The following AGAP1 variants were observed in gnomAD, a reference collection of about 807,000 sequenced individuals.
The protein encoded by AGAP1 is ArfGAP with GTPase domain, ankyrin repeat and PH domain 1, also known as arf-GAP with GTPase, ANK repeat and PH domain-containing protein 1.
Under a neutral mutation model 105.3 loss-of-function variants are expected in AGAP1, and 29 were observed. The observed-to-expected ratio is 0.28, with a 90% CI of 0.21 to 0.38. The LOEUF (loss-of-function observed/expected upper bound fraction) is 0.38. Among genes scored for constraint, AGAP1 ranks in the 10% least tolerant of loss-of-function variants. The probability of loss-of-function intolerance (pLI) is 1.00; values close to 1 mark genes in which losing one functional copy is unlikely to be tolerated. For synonymous variants in AGAP1, 509 were observed against 485.9 expected (o/e 1.05, Z -0.63); for missense variants, 998 against 1,165.1 (o/e 0.86, Z 2.09).
chr2:235,935,453 A>C (rs556573620), intron 12 of AGAP1, among the ~76,000 whole-genome samples: 45 of 152,274 alleles, frequency 3.0e-4, no homozygotes, highest in African/African-American at 1.0e-3. Flanking sequence ...GACAGAAGTA[A>C]TTTTTGCAGC....
At position 236,027,925 on chromosome 2, in the gene AGAP1, A is replaced by C. The variant is rs140437701; in HGVS notation, c.1646-8636A>C. ...GATGGCACAGCTTCCTGCCCACCAC[A>C]CTATCACAGAGCTGTTGGTCCCGGG... On this transcript the variant is annotated intron_variant, in intron 13 of 17. Transcript: ENST00000304032. This position sits in a 1 kb window ranked among gnomAD's most constrained non-coding sequence, Gnocchi z 4.4. Among the ~76,000 whole-genome samples the C allele has an allele frequency of 1.3e-5, 2 of 151,992 alleles. No individual in the cohort carries two copies. The highest frequency in any genetic ancestry group is 4.8e-5 in the African/African-American group (2 of 41,466).
At position 235,620,209 on chromosome 2, in the gene AGAP1, A is replaced by T. The variant is rs900130777; in HGVS notation, c.164-88970A>T. ...ATGCTGGGCTGTGCCTTCAAAGTAT[A>T]TCCAGGATGCAGTGGCTTCCTGAGC... On this transcript the variant is annotated intron_variant, in intron 1 of 17. Transcript: ENST00000304032. The surrounding 1 kb of genome is among the most constrained non-coding windows in gnomAD (Gnocchi z 4.5). 1.3e-5 allele frequency among the ~76,000 whole-genome samples: 2 copies of T among 152,186 alleles called. No individual in the cohort carries two copies. Among genetic ancestry groups the T allele is most frequent in the South Asian group, 4.1e-4 (2 of 4,828 alleles).
chr2:235,765,779 T>C (rs554944389), intron 6 of AGAP1, among the ~76,000 whole-genome samples: 1 of 152,212 alleles, frequency 6.6e-6, no homozygotes, highest in African/African-American at 2.4e-5. Context: ...ACGTTGTGAG[T>C]AAACCGTAAG....
In AGAP1 at chr2:235,970,371, G is replaced by A. The variant is rs753811478; in HGVS notation, c.1645+1748G>A. 1.3e-5 allele frequency among the ~76,000 whole-genome samples: 2 copies of A among 152,140 alleles called. No individual in the cohort carries two copies. The highest frequency in any genetic ancestry group is 4.8e-5 in the African/African-American group (2 of 41,424). On this transcript the variant is annotated intron_variant, in intron 13 of 17. Transcript: ENST00000304032. The surrounding 1 kb of genome is among the most constrained non-coding windows in gnomAD (Gnocchi z 5.4). ...GTATCAGCCGCAGGCGCTCTGTGTTGGTAAGACTCCTTCAGACAACCGTTG... is the reference window on the plus strand; with the variant it reads ...GTATCAGCCGCAGGCGCTCTGTGTTAGTAAGACTCCTTCAGACAACCGTTG...
In AGAP1 at chr2:235,963,717, C is replaced by A. The variant is rs1293782708; in HGVS notation, c.1484-4745C>A. ...ATCTTGACTCCACCCTGTTCACCAT[C>A]TTTTTCATTGATGTGGATGGATATA... On this transcript the variant is annotated intron_variant, in intron 12 of 17. Coordinates refer to ENST00000304032, the MANE Select transcript of AGAP1 (RefSeq NM_001037131.3). This position sits in a 1 kb window ranked among gnomAD's most constrained non-coding sequence, Gnocchi z 5.1. 6.6e-6 allele frequency among the ~76,000 whole-genome samples: 1 copy of A among 152,120 alleles called. No homozygotes were observed. Among genetic ancestry groups the A allele is most frequent in the Non-Finnish European group, 1.5e-5 (1 of 68,012 alleles).
intron 1 of AGAP1, among the ~76,000 whole-genome samples, chr2:235,643,398 T>C (rs920117732): frequency 3.5e-5 from 4 of 115,788 alleles, no homozygotes; most frequent in African/African-American, 1.4e-4. Context: ...GCCATTGCAC[T>C]CCAGCCTGGG....
chr2:235,801,422 G>C lies in AGAP1; in HGVS notation c.957+1900G>C, dbSNP rs1163793788. 6.6e-6 allele frequency among the ~76,000 whole-genome samples: 1 copy of C among 152,008 alleles called. No individual in the cohort carries two copies. Among genetic ancestry groups the C allele is most frequent in the South Asian group, 2.1e-4 (1 of 4,790 alleles). On this transcript the variant is annotated intron_variant, in intron 8 of 17. Transcript: ENST00000304032. The surrounding 1 kb of genome is among the most constrained non-coding windows in gnomAD (Gnocchi z 6.0). Reference sequence around the variant, plus strand: ...AGCATATGTGATAGATTAGGAGGTGGGTATTTAGGTTTCTGTAAAATACAG... The same window carrying C: ...AGCATATGTGATAGATTAGGAGGTGCGTATTTAGGTTTCTGTAAAATACAG...
rs2149983214 is a variant in AGAP1, at chr2:235,787,253, TTCTTCATCA to T, written c.674-10505_674-10497del. Among the ~76,000 whole-genome samples the T allele has an allele frequency of 6.6e-6, 1 of 152,344 alleles. No homozygotes were observed. Among genetic ancestry groups the T allele is most frequent in the Non-Finnish European group, 1.5e-5 (1 of 68,032 alleles). On this transcript the variant is annotated intron_variant, in intron 6 of 17. Coordinates refer to ENST00000304032, the MANE Select transcript of AGAP1 (RefSeq NM_001037131.3). This position sits in a 1 kb window ranked among gnomAD's most constrained non-coding sequence, Gnocchi z 4.4. ...TGGGTTTCCTATGTCATGAAAGCTTTTCTTCATCACGTGCTAATGACTTCCTGTTCCACA... is the reference window on the plus strand; with the variant it reads ...TGGGTTTCCTATGTCATGAAAGCTTTCGTGCTAATGACTTCCTGTTCCACA...
At chr2:235,496,298 A>G (rs1173854401) in intron 1 of AGAP1, among the ~76,000 whole-genome samples, 2 of 152,166 alleles carry the variant, frequency 1.3e-5, no homozygotes, top group Non-Finnish European at 2.9e-5. Flanking sequence ...TCTGTCTCCC[A>G]TGAGGTCACC....
chr2:235,641,080 C>T (rs1231763465), intron 1 of AGAP1, among the ~76,000 whole-genome samples: 1 of 152,136 alleles, frequency 6.6e-6, no homozygotes, highest in African/African-American at 2.4e-5. Flanking sequence ...GGGAGTTTAA[C>T]TCAGGTTGTG....
intron 9 of AGAP1, among the ~76,000 whole-genome samples, chr2:235,815,177 C>T (rs1190926662): frequency 2.6e-5 from 4 of 152,154 alleles, no homozygotes; most frequent in South Asian, 4.2e-4. Context: ...CCCCACACAG[C>T]GCATGAGTCC....
Position 235,777,085 on chromosome 2 carries a change from G to A in AGAP1, c.674-20674G>A, listed in dbSNP as rs777569768. 50 of 470,808 alleles carry A rather than the reference G, an allele frequency of 1.1e-4. No individual in the cohort carries two copies. The highest frequency in any genetic ancestry group is 2.0e-4 in the African/African-American group (10 of 50,092). 29.2% of individuals were successfully genotyped at this position (470,808 alleles called of 1,614,324 possible). On this transcript the variant is annotated intron_variant, in intron 6 of 17. Transcript: ENST00000304032. The surrounding 1 kb of genome is among the most constrained non-coding windows in gnomAD (Gnocchi z 5.1). ...GTATTAGACAGAAGTGATGCTGGGC[G>A]CGGTGGCTCATGCCTGTAATTCCAG...
rs1309098298 is a variant in AGAP1 at position 235,574,490 on chromosome 2, CTT to C, written c.163+79644_163+79645del. ...AGCCCTTTTTGGCAGTGTAGTTTCT[CTT>C]TTAATAGCTGTGATCAGATTATACC... is the stretch of plus-strand genomic sequence containing the variant. On this transcript the variant is annotated intron_variant, in intron 1 of 17. Transcript: ENST00000304032. This position sits in a 1 kb window ranked among gnomAD's most constrained non-coding sequence, Gnocchi z 5.0. Among the ~76,000 whole-genome samples, 2 of 152,216 alleles carry C rather than the reference CTT, an allele frequency of 1.3e-5. No individual in the cohort carries two copies. Among genetic ancestry groups the C allele is most frequent in the Non-Finnish European group, 2.9e-5 (2 of 68,042 alleles).
rs562636714 is a variant in AGAP1 at position 235,557,800 on chromosome 2, G to C, written c.163+62951G>C. 2.0e-5 allele frequency among the ~76,000 whole-genome samples: 3 copies of C among 152,254 alleles called. No homozygotes were observed. Among genetic ancestry groups the C allele is most frequent in the Middle Eastern group, 3.4e-3 (1 of 294 alleles). On this transcript the variant is annotated intron_variant, in intron 1 of 17. Coordinates refer to ENST00000304032, the MANE Select transcript of AGAP1 (RefSeq NM_001037131.3). This position sits in a 1 kb window ranked among gnomAD's most constrained non-coding sequence, Gnocchi z 4.7. ...TGGGGTTGTGCCTTATGAAAACAAC[G>C]GACTTGGCTACATTTCGACAAGGGG...
rs889362234 is a variant in AGAP1, at chr2:236,000,715, A to G, written c.1645+32092A>G. 3.3e-5 allele frequency among the ~76,000 whole-genome samples: 5 copies of G among 152,228 alleles called. No homozygotes were observed. The highest frequency in any genetic ancestry group is 1.9e-4 in the East Asian group (1 of 5,182). On this transcript the variant is annotated intron_variant, in intron 13 of 17. Coordinates refer to ENST00000304032, the MANE Select transcript of AGAP1 (RefSeq NM_001037131.3). The surrounding 1 kb of genome is among the most constrained non-coding windows in gnomAD (Gnocchi z 4.3). The stretch of plus-strand genomic sequence containing the variant: ...CAGATAGTGGCACATGCCTGAGGCA[A>G]TCAGCCCCGATGGTGTGGCGGGGCA...
Position 236,032,539 on chromosome 2 carries a change from G to A in AGAP1, c.1646-4022G>A, listed in dbSNP as rs1235446882. Among the ~76,000 whole-genome samples, 4 of 152,216 alleles carry A rather than the reference G, an allele frequency of 2.6e-5. No individual in the cohort carries two copies. In the South Asian group the frequency reaches 8.3e-4, roughly 32 times the overall value. On this transcript the variant is annotated intron_variant, in intron 13 of 17. Coordinates refer to ENST00000304032, the MANE Select transcript of AGAP1 (RefSeq NM_001037131.3). ...ATGGCCCCTGGCTGTTCCTTGATCT[G>A]TAATCTTACAGAGTGAGGTTTCAAT...
chr2:235,618,226 C>T (rs895347435), intron 1 of AGAP1, among the ~76,000 whole-genome samples: 2 of 152,098 alleles, frequency 1.3e-5, no homozygotes, highest in African/African-American at 2.4e-5. Flanking sequence ...ACTCAGAGCT[C>T]CAAATACATG....
intron 9 of AGAP1, among the ~76,000 whole-genome samples, chr2:235,815,328 T>C (rs1467969469): frequency 1.3e-5 from 2 of 152,216 alleles, no homozygotes; most frequent in African/African-American, 4.8e-5. Flanking sequence ...TTGAGCCTGT[T>C]GCCTTCTTGC....
At position 235,984,646 on chromosome 2, in the gene AGAP1, T is replaced by C. The variant is rs1254866850; in HGVS notation, c.1645+16023T>C. On this transcript the variant is annotated intron_variant, in intron 13 of 17. Coordinates refer to ENST00000304032, the MANE Select transcript of AGAP1 (RefSeq NM_001037131.3). ...GGCCCTGGTGTGTATTGTTCCCCGC[T>C]CTGTGTCCATGTGTTCTCGATGTTC... Among the ~76,000 whole-genome samples, 6 of 152,010 alleles carry C rather than the reference T, an allele frequency of 3.9e-5. No homozygotes were observed. In the South Asian group the frequency reaches 1.2e-3, roughly 32 times the overall value.
Sources: allele counts gnomAD v4.1 joint callset (sites outside exome capture counted in the v4.1 genomes callset), GRCh38; gene constraint gnomAD v4.1.1; non-coding constraint Gnocchi (gnomAD v3.1); transcripts MANE v1.5; gene names NCBI Gene and HGNC (gene_info 2026-07-23, HGNC 2026-07-21).